Variants in ZEB1 observed in about 807,000 individuals in gnomAD.
ZEB1 encodes zinc finger E-box binding homeobox 1.
A neutral mutation model predicts 84.9 loss-of-function variants in ZEB1; 21 were observed. The observed-to-expected ratio is 0.25, with a 90% CI of 0.18 to 0.36. The LOEUF is 0.36. ZEB1 is among the 10% of genes least tolerant of loss of function. The probability of loss-of-function intolerance (pLI) is 1.00; values close to 1 mark genes in which losing one functional copy is unlikely to be tolerated. For synonymous variants in ZEB1, 420 were observed against 471.1 expected, an observed-to-expected ratio of 0.89 and a Z score of 1.41; for missense variants, 1,104 against 1,330.2, an observed-to-expected ratio of 0.83 and a Z score of 2.65.
chr10:31,363,365 C>T, intron 1 of ZEB1: 1 of 1,534,448 alleles, frequency 6.5e-7, no homozygotes, highest in Non-Finnish European at 8.7e-7. Flanking sequence ...AAACTCACTG[C>T]ATGCACCTGG....
intron 1 of ZEB1, among the ~76,000 whole-genome samples, chr10:31,416,744 A>G (rs868218335): frequency 1.3e-5 from 2 of 152,276 alleles, no homozygotes; most frequent in African/African-American, 4.8e-5. Flanking sequence ...CACATTTTGT[A>G]TTTAATCCAA....
intron 2 of ZEB1, among the ~76,000 whole-genome samples, chr10:31,493,874 A>G (rs1254286142): frequency 1.3e-5 from 2 of 152,024 alleles, no homozygotes; most frequent in African/African-American, 4.8e-5. Flanking sequence ...TATGTTAAAT[A>G]CTCATCTAAA....
chr10:31,435,313 G>C lies in ZEB1; in HGVS notation c.59-25724G>C, dbSNP rs1351448575. Among the ~76,000 whole-genome samples, 3 of 152,300 alleles carry C rather than the reference G, an allele frequency of 2.0e-5. No individual in the cohort carries two copies. The East Asian group carries it at 5.8e-4, about 29-fold the overall frequency. On this transcript the variant is annotated intron_variant, in intron 1 of 8. Transcript: ENST00000424869. ...CAGTTCTGCCAACATCTTGATTTTA[G>C]TCCAGTGAGACCCATATTGGGCATC...
intron 1 of ZEB1, among the ~76,000 whole-genome samples, chr10:31,327,754 A>AT (rs930773554): frequency 1.3e-5 from 2 of 152,066 alleles, no homozygotes; most frequent in East Asian, 1.9e-4. Flanking sequence ...CAGCAACACC[A>AT]TTTTTTACGC....
At chr10:31,504,989 A>C (rs1343180950) in intron 4 of ZEB1, among the ~76,000 whole-genome samples, 1 of 152,080 alleles carries the variant, frequency 6.6e-6, no homozygotes, top group Non-Finnish European at 1.5e-5. Context: ...TGTGTTGAAT[A>C]GGAGTGGTGA....
intron 4 of ZEB1, among the ~76,000 whole-genome samples, chr10:31,507,071 CT>C (rs1292323129): frequency 6.6e-5 from 10 of 152,232 alleles, no homozygotes; most frequent in African/African-American, 1.9e-4. Flanking sequence ...CTTTATTTCT[CT>C]TTCATTTATG....
intron 2 of ZEB1, among the ~76,000 whole-genome samples, chr10:31,474,604 C>T (rs1294680325): frequency 6.6e-6 from 1 of 152,142 alleles, no homozygotes; most frequent in African/African-American, 2.4e-5. Context: ...CACTTTTACA[C>T]TGTTGGTGGG....
chr10:31,527,202 T>C lies in ZEB1; in HGVS notation c.3316T>C (p.Leu1106=), dbSNP rs138952579. The C allele has an allele frequency of 6.2e-7, 1 of 1,611,600 alleles. No individual in the cohort carries two copies. Among genetic ancestry groups the C allele is most frequent in the Non-Finnish European group, 8.5e-7 (1 of 1,178,944 alleles). The part of the protein sequence containing the change: ...DDRAESQASS[L]GQKVGESSEQ... The stretch of plus-strand genomic sequence containing the variant: ...CAGGGCTGAAAGTCAAGCAAGCAGC[T>C]TAGGACAAAAAGTAGGCGAGAGTAG... Residue 1106 remains leucine, a synonymous_variant, in exon 9 of 9, where the codon TTA becomes CTA. Coordinates refer to ENST00000424869, the MANE Select transcript of ZEB1 (RefSeq NM_001174096.2).
At chr10:31,337,710 G>A (rs962982174) in intron 1 of ZEB1, among the ~76,000 whole-genome samples, 3 of 115,620 alleles carry the variant, frequency 2.6e-5, no homozygotes, top group African/African-American at 1.2e-4. Flanking sequence ...TTTTTTGATG[G>A]AGTCTTGCTG....
At chr10:31,342,375 T>G (rs1267822534) in intron 1 of ZEB1, among the ~76,000 whole-genome samples, 1 of 152,098 alleles carries the variant, frequency 6.6e-6, no homozygotes, top group Admixed American at 6.6e-5. Context: ...TCTGGAGATC[T>G]CTCTGAGGAT....
intron 1 of ZEB1, among the ~76,000 whole-genome samples, chr10:31,341,964 T>C (rs1001911773): frequency 6.6e-6 from 1 of 152,160 alleles, no homozygotes. Context: ...GTTGTGAGTT[T>C]AGGGAAACCA....
chr10:31,419,935 T>C (rs1328963114), intron 1 of ZEB1, among the ~76,000 whole-genome samples: 3 of 152,166 alleles, frequency 2.0e-5, no homozygotes, highest in Admixed American at 6.5e-5. Flanking sequence ...CGAAGTAGTA[T>C]GTCTGGAATT....
chr10:31,403,043 T>C (rs988267173), intron 1 of ZEB1, among the ~76,000 whole-genome samples: 2 of 152,164 alleles, frequency 1.3e-5, no homozygotes, highest in Admixed American at 6.6e-5. Context: ...ATGTATATAG[T>C]AAATATAATC....
chr10:31,337,050 A>G (rs888863452), intron 1 of ZEB1, among the ~76,000 whole-genome samples: 5 of 149,376 alleles, frequency 3.3e-5, no homozygotes, highest in Non-Finnish European at 5.9e-5. Flanking sequence ...AAACAAAAAA[A>G]TAAATAATAG....
At chr10:31,463,157 T>C (rs1463843181) in intron 2 of ZEB1, among the ~76,000 whole-genome samples, 1 of 151,602 alleles carries the variant, frequency 6.6e-6, no homozygotes, top group African/African-American at 2.4e-5. Flanking sequence ...TAATAGGTAA[T>C]CAAGAAGGAA....
chr10:31,497,961 A>G (rs2067496699), intron 3 of ZEB1, among the ~76,000 whole-genome samples: 1 of 151,974 alleles, frequency 6.6e-6, no homozygotes, highest in South Asian at 2.1e-4. Context: ...AGATAGATAG[A>G]TAGATAGATA....
intron 1 of ZEB1, among the ~76,000 whole-genome samples, chr10:31,356,451 A>C (rs1212718201): frequency 6.6e-6 from 1 of 151,970 alleles, no homozygotes; most frequent in Non-Finnish European, 1.5e-5. Flanking sequence ...CTATTGGTTG[A>C]TTGATTGAAA....
chr10:31,396,755 G>A (rs1402420966), intron 1 of ZEB1, among the ~76,000 whole-genome samples: 1 of 152,032 alleles, frequency 6.6e-6, no homozygotes, highest in Non-Finnish European at 1.5e-5. Flanking sequence ...AATTATGTAG[G>A]GTTTTATCTT....
chr10:31,452,971 G>T (rs2060789000), intron 1 of ZEB1, among the ~76,000 whole-genome samples: 1 of 152,004 alleles, frequency 6.6e-6, no homozygotes, highest in South Asian at 2.1e-4. Context: ...CAAAGTGTAT[G>T]TATTTTTCTA....
Sources: gnomAD v4.1 joint callset for allele counts (sites outside exome capture counted in the v4.1 genomes callset) on GRCh38, gnomAD v4.1.1 for gene constraint, MANE v1.5 for transcripts, NCBI Gene and HGNC (gene_info 2026-07-23, HGNC 2026-07-21) for gene names.